LUZP1: variants seen among roughly 807,000 people sequenced by gnomAD.
LUZP1 encodes leucine zipper protein 1, also known as filamin mechanobinding actin cross-linking protein.
Under a neutral mutation model 71.3 loss-of-function variants are expected in LUZP1, and 25 were observed. The observed-to-expected ratio is 0.35, with a 90% CI of 0.26 to 0.49. The LOEUF is 0.49. Among genes scored for constraint, LUZP1 ranks in the 20% least tolerant of loss-of-function variants. The pLI is 0.99. For missense variants in LUZP1, 1,142 were observed against 1,300.8 expected (o/e 0.88, Z 1.88); for synonymous variants, 481 against 506.4 (o/e 0.95, Z 0.67).
chr1:23,156,357 G>T (rs551124369), intron 2 of LUZP1, among the ~76,000 whole-genome samples: 1 of 152,184 alleles, frequency 6.6e-6, no homozygotes, highest in Non-Finnish European at 1.5e-5. Flanking sequence ...TCCAGCCTGG[G>T]CAACAGAGCG....
rs1474787539 is a variant in LUZP1, at chr1:23,142,696, TATATACACACACACACAC to T, written c.-226+26052_-226+26069del. On this transcript the variant is annotated intron_variant, in intron 2 of 4. Transcript: ENST00000302291. ...ATGGTGGGTGCATAAAATATATATATATATACACACACACACACACACACACACACACACACACACACA... is the reference window on the plus strand; with the variant it reads ...ATGGTGGGTGCATAAAATATATATATACACACACACACACACACACACACA... 2.4e-3 allele frequency among the ~76,000 whole-genome samples: 222 copies of T among 90,862 alleles called. 3 individuals are homozygous for T. Among genetic ancestry groups the T allele is most frequent in the African/African-American group, 9.3e-3 (175 of 18,752 alleles). 59.6% of individuals were successfully genotyped at this position (90,862 alleles called of 152,430 possible). A position where few individuals can be genotyped will look rare whatever the true frequency, so the allele number is the denominator to read the frequency against.
At position 23,120,006 on chromosome 1, in the gene LUZP1, A is replaced by G. The variant is rs542838919; in HGVS notation, c.-225-10879T>C. On this transcript the variant is annotated intron_variant, in intron 2 of 4. Coordinates refer to ENST00000302291, the Ensembl canonical transcript of LUZP1. ...ACCGAAGCTGGAGTGCGGTGGAGCA[A>G]TCGTGGCTTCCTGCAGTCTCAACCC... is the stretch of plus-strand genomic sequence containing the variant. Among the ~76,000 whole-genome samples the G allele has an allele frequency of 3.9e-5, 6 of 151,910 alleles. No homozygotes were observed. In the South Asian group the frequency reaches 1.3e-3, roughly 32 times the overall value.
At chr1:23,114,514 G>C (rs1644062198) in intron 2 of LUZP1, among the ~76,000 whole-genome samples, 1 of 152,196 alleles carries the variant, frequency 6.6e-6, no homozygotes, top group Non-Finnish European at 1.5e-5. Flanking sequence ...TTCCCTGAAT[G>C]CCATCACTGA....
chr1:23,087,075 C>T (rs954168223), exon 5 of LUZP1: 2 of 152,150 alleles, frequency 1.3e-5, no homozygotes, highest in Admixed American at 6.5e-5. Flanking sequence ...TGCACAGGAA[C>T]AGGAGATACA....
intron 2 of LUZP1, among the ~76,000 whole-genome samples, chr1:23,152,288 C>A (rs1644390669): frequency 6.6e-6 from 1 of 152,114 alleles, no homozygotes; most frequent in Non-Finnish European, 1.5e-5. Context: ...TACAATGTTT[C>A]ATGGTTTGAA....
chr1:23,171,208 C>T (rs1644551205), intron 1 of LUZP1, among the ~76,000 whole-genome samples: 2 of 151,858 alleles, frequency 1.3e-5, no homozygotes, highest in South Asian at 4.1e-4. Context: ...CACCTCATAA[C>T]AATCCACCTA....
intron 2 of LUZP1, among the ~76,000 whole-genome samples, chr1:23,168,144 G>A (rs1359664817): frequency 6.9e-6 from 1 of 145,446 alleles, no homozygotes; most frequent in East Asian, 2.1e-4. Flanking sequence ...CGGCGGCCGC[G>A]GGACCCCTCC....
chr1:23,148,517 T>C (rs1048501480), intron 2 of LUZP1, among the ~76,000 whole-genome samples: 1 of 152,180 alleles, frequency 6.6e-6, no homozygotes, highest in East Asian at 1.9e-4. Flanking sequence ...TTTCTGAAAC[T>C]GGGCAACTTC....
chr1:23,141,347 C>T (rs1644301887), intron 2 of LUZP1, among the ~76,000 whole-genome samples: 1 of 152,202 alleles, frequency 6.6e-6, no homozygotes, highest in South Asian at 2.1e-4. Context: ...CCTTGAGCCT[C>T]CTGTGGGCAA....
exon 5 of LUZP1, chr1:23,088,850 G>A: frequency 6.3e-7 from 1 of 1,598,508 alleles, no homozygotes; most frequent in Non-Finnish European, 8.5e-7. Context: ...CGGTGGAAGA[G>A]CTGAGAAGCA....
intron 2 of LUZP1, among the ~76,000 whole-genome samples, chr1:23,131,556 C>T (rs1370584213): frequency 6.6e-6 from 1 of 152,210 alleles, no homozygotes. Context: ...GGAATACTAG[C>T]TGGTATGCAG....
At position 23,094,025 on chromosome 1, in the gene LUZP1, G is replaced by A. The variant is rs772691190; in HGVS notation, c.237C>T (p.Asp79=). The change falls in exon 4 of 5, where the codon GAC becomes GAT. Residue 79 remains aspartate, a synonymous_variant. Transcript: ENST00000302291. This position sits in a 1 kb window ranked among gnomAD's most constrained non-coding sequence, Gnocchi z 4.7. ...GATCCTCTGCTCTCTTAATTTCCTC[G>A]TCTTTGCCTTCAATTCTCAGCACCC... 3.2e-5 allele frequency: 52 copies of A among 1,613,920 alleles called. No individual in the cohort carries two copies. Among genetic ancestry groups the A allele is most frequent in the Middle Eastern group, 1.6e-4 (1 of 6,084 alleles).
rs1318304700 is a variant in LUZP1, at chr1:23,091,254, A to C, written c.3008T>G (p.Leu1003Arg). The C allele has an allele frequency of 1.9e-6, 3 of 1,613,964 alleles. No individual in the cohort carries two copies. The Admixed American group carries it at 5.0e-5, about 27-fold the overall frequency. ...GTCTCCTACCCGATTCCGACGGGTA[A>C]GCACCTCTGACACAGTGAGGCTACT... Residue 1003 changes from leucine to arginine, a missense_variant, in exon 4 of 5, where the codon CTT becomes CGT. Coordinates refer to ENST00000302291, the Ensembl canonical transcript of LUZP1.
chr1:23,086,624 C>G (rs1453291499), exon 5 of LUZP1: 1 of 152,660 alleles, frequency 6.6e-6, no homozygotes, highest in East Asian at 1.9e-4. Context: ...GACTTAGTTT[C>G]CTAATACCTT....
intron 2 of LUZP1, among the ~76,000 whole-genome samples, chr1:23,149,591 G>A (rs1557682462): frequency 6.6e-6 from 1 of 152,178 alleles, no homozygotes; most frequent in Admixed American, 6.5e-5. Flanking sequence ...TTACAGTAGT[G>A]TTGGGGACAG....
intron 2 of LUZP1, among the ~76,000 whole-genome samples, chr1:23,162,019 G>A (rs963774613): frequency 6.6e-5 from 5 of 75,416 alleles, no homozygotes; most frequent in African/African-American, 3.4e-4. Flanking sequence ...GAACGAGACT[G>A]TCTCAAAAAA....
intron 2 of LUZP1, among the ~76,000 whole-genome samples, chr1:23,148,945 G>A (rs916012463): frequency 2.0e-5 from 3 of 151,562 alleles, no homozygotes; most frequent in African/African-American, 7.3e-5. Flanking sequence ...GCCAGGTGTG[G>A]TGGCACATGC....
chr1:23,167,725 G>A (rs990868137), intron 2 of LUZP1, among the ~76,000 whole-genome samples: 1 of 152,216 alleles, frequency 6.6e-6, no homozygotes, highest in African/African-American at 2.4e-5. Context: ...AGAAACCGCA[G>A]CCACCTCCAA....
At chr1:23,160,531 T>C (rs1264249525) in intron 2 of LUZP1, among the ~76,000 whole-genome samples, 1 of 152,200 alleles carries the variant, frequency 6.6e-6, no homozygotes, top group Middle Eastern at 3.2e-3. Context: ...CCTAATAGTC[T>C]CTATATCGCC....
Sources: allele counts gnomAD v4.1 joint callset (sites outside exome capture counted in the v4.1 genomes callset), GRCh38; gene constraint gnomAD v4.1.1; non-coding constraint Gnocchi (gnomAD v3.1); transcripts MANE v1.5; gene names NCBI Gene and HGNC (gene_info 2026-07-23, HGNC 2026-07-21).